SSBP2: variants seen among roughly 807,000 people sequenced by gnomAD.
SSBP2 encodes the protein single stranded DNA binding protein 2.
SSBP2 carries 17 observed loss-of-function variants against 61.8 expected under a neutral mutation model. The ratio of observed to expected loss-of-function variants is 0.28; its 90% confidence interval spans 0.19 to 0.41. SSBP2 has a LOEUF of 0.41. Among genes scored for constraint, SSBP2 ranks in the 10% least tolerant of loss-of-function variants. The pLI, the probability that SSBP2 is intolerant of heterozygous loss-of-function variation, is 1.00. For synonymous variants in SSBP2, 139 were observed against 141.3 expected (o/e 0.98, Z 0.12); for missense variants, 310 against 458.7 (o/e 0.68, Z 2.96).
chr5:81,483,599 A>G (rs565660256), intron 6 of SSBP2, among the ~76,000 whole-genome samples: 13 of 152,284 alleles, frequency 8.5e-5, no homozygotes, highest in African/African-American at 3.1e-4. Flanking sequence ...GCTCAAAGTT[A>G]TACATTGCTG....
intron 15 of SSBP2, among the ~76,000 whole-genome samples, chr5:81,432,359 G>A (rs1358643835): frequency 6.6e-6 from 1 of 152,192 alleles, no homozygotes; most frequent in East Asian, 1.9e-4. Context: ...ATCAGAGCTT[G>A]TCTTCTCACA....
chr5:81,528,163 T>C (rs1369618325), intron 4 of SSBP2, among the ~76,000 whole-genome samples: 1 of 152,064 alleles, frequency 6.6e-6, no homozygotes, highest in Non-Finnish European at 1.5e-5. Flanking sequence ...ATGTAGTGCT[T>C]AGCAGTGCCT....
intron 4 of SSBP2, among the ~76,000 whole-genome samples, chr5:81,557,977 A>C (rs773433374): frequency 1.3e-5 from 2 of 152,196 alleles, no homozygotes; most frequent in Non-Finnish European, 2.9e-5. Context: ...GACACAGCCA[A>C]ATTACTTAAA....
intron 10 of SSBP2, among the ~76,000 whole-genome samples, chr5:81,458,092 T>G (rs944040394): frequency 2.0e-5 from 3 of 152,034 alleles, no homozygotes; most frequent in African/African-American, 7.3e-5. Context: ...AACTCCAAGG[T>G]TAAGAAAGGC....
In SSBP2 at chr5:81,618,262, A is replaced by G. The variant is rs1296214610; in HGVS notation, c.198-2705T>C. ...AAAATAAAAGGATGGAGGAAGATCT[A>G]CCAAGCCAATGGAAAACAAAAAAAG... On this transcript the variant is annotated intron_variant, in intron 3 of 16. Coordinates refer to ENST00000320672, the MANE Select transcript of SSBP2 (RefSeq NM_012446.5). Among the ~76,000 whole-genome samples the G allele has an allele frequency of 2.1e-5, 2 of 95,080 alleles. 1 individual carries two copies. Among genetic ancestry groups the G allele is most frequent in the African/African-American group, 6.9e-5 (2 of 29,120 alleles). 62.4% of individuals were successfully genotyped at this position (95,080 alleles called of 152,430 possible).
intron 4 of SSBP2, among the ~76,000 whole-genome samples, chr5:81,559,147 A>G (rs1055557940): frequency 3.3e-5 from 5 of 151,864 alleles, no homozygotes; most frequent in Admixed American, 1.3e-4. Flanking sequence ...CAGCACTTTG[A>G]GAGGCCAAGG....
chr5:81,548,347 T>C (rs1023031811), intron 4 of SSBP2, among the ~76,000 whole-genome samples: 2 of 152,322 alleles, frequency 1.3e-5, no homozygotes, highest in African/African-American at 4.8e-5. Context: ...TAAAAGAGGT[T>C]GTGTGTTAGA....
At chr5:81,481,554 A>T (rs568104296) in intron 6 of SSBP2, among the ~76,000 whole-genome samples, 1 of 149,034 alleles carries the variant, frequency 6.7e-6, no homozygotes, top group South Asian at 2.2e-4. Context: ...TGGGAGGTGG[A>T]GGTTGCAGTG....
At chr5:81,695,035 G>A (rs1448533951) in intron 1 of SSBP2, among the ~76,000 whole-genome samples, 1 of 152,054 alleles carries the variant, frequency 6.6e-6, no homozygotes, top group African/African-American at 2.4e-5. Context: ...AAATAACCAG[G>A]TCTAAACCTT....
chr5:81,577,495 G>T (rs1002915925), intron 4 of SSBP2, among the ~76,000 whole-genome samples: 11 of 151,984 alleles, frequency 7.2e-5, no homozygotes, highest in African/African-American at 1.9e-4. Context: ...GAGCCGAAAG[G>T]AATACATTAG....
chr5:81,567,115 A>G (rs2153432406), intron 4 of SSBP2, among the ~76,000 whole-genome samples: 1 of 152,358 alleles, frequency 6.6e-6, no homozygotes, highest in South Asian at 2.1e-4. Flanking sequence ...TTGCATAAGT[A>G]ACAAGGAGCC....
chr5:81,551,096 G>GAAAAAAAAAA (rs35816072), intron 4 of SSBP2, among the ~76,000 whole-genome samples: 6 of 80,208 alleles, frequency 7.5e-5, no homozygotes, highest in African/African-American at 1.3e-4. Flanking sequence ...ACTCCATCTC[G>GAAAAAAAAAA]AAAAAAAAAA....
At chr5:81,714,708 T>C (rs1350425157) in intron 1 of SSBP2, among the ~76,000 whole-genome samples, 2 of 152,220 alleles carry the variant, frequency 1.3e-5, no homozygotes, top group Non-Finnish European at 2.9e-5. Flanking sequence ...TTTTGAGAAG[T>C]GTCTGTTCAT....
intron 4 of SSBP2, among the ~76,000 whole-genome samples, chr5:81,554,580 T>C (rs1190749380): frequency 6.6e-6 from 1 of 151,960 alleles, no homozygotes; most frequent in African/African-American, 2.4e-5. Flanking sequence ...TTTTTAACAA[T>C]GGTTACATAA....
intron 15 of SSBP2, among the ~76,000 whole-genome samples, chr5:81,430,520 A>G (rs1328213242): frequency 6.6e-6 from 1 of 152,218 alleles, no homozygotes; most frequent in Non-Finnish European, 1.5e-5. Context: ...TTTGCCATAT[A>G]TCATTTCTTG....
intron 10 of SSBP2, among the ~76,000 whole-genome samples, chr5:81,454,918 G>A (rs1764028698): frequency 6.6e-6 from 1 of 151,932 alleles, no homozygotes; most frequent in South Asian, 2.1e-4. Context: ...TGATAGAGAA[G>A]GGGCCAAACA....
At chr5:81,537,385 C>G (rs1461930923) in intron 4 of SSBP2, among the ~76,000 whole-genome samples, 2 of 152,080 alleles carry the variant, frequency 1.3e-5, no homozygotes, top group Non-Finnish European at 2.9e-5. Context: ...CAGGTGGCAT[C>G]CTTAACTCTA....
chr5:81,444,934 C>T (rs1023817470), intron 12 of SSBP2, among the ~76,000 whole-genome samples: 12 of 150,842 alleles, frequency 8.0e-5, no homozygotes, highest in Admixed American at 1.3e-4. Flanking sequence ...ACCAGCCTTG[C>T]CAACATGGTG....
rs567134633 is a variant in SSBP2, at chr5:81,519,200, G to C, written c.283-5483C>G. On this transcript the variant is annotated intron_variant, in intron 4 of 16. Coordinates refer to ENST00000320672, the MANE Select transcript of SSBP2 (RefSeq NM_012446.5). ...TTTATCTACTTATTGAAAGTTAAAA[G>C]ACACAGCAGTAAAGCAGTAAAACTG... 3.3e-5 allele frequency among the ~76,000 whole-genome samples: 5 copies of C among 152,228 alleles called. No homozygotes were observed. The South Asian group carries it at 1.0e-3, about 32-fold the overall frequency.
Sources: gnomAD v4.1 joint callset for allele counts (sites outside exome capture counted in the v4.1 genomes callset) on GRCh38, gnomAD v4.1.1 for gene constraint, MANE v1.5 for transcripts, NCBI Gene and HGNC (gene_info 2026-07-23, HGNC 2026-07-21) for gene names.